The following PGM5 variants were observed in gnomAD, a reference collection of about 807,000 sequenced individuals.
PGM5 encodes phosphoglucomutase 5.
Under a neutral mutation model 59.2 loss-of-function variants are expected in PGM5, and 23 were observed. The observed-to-expected ratio is 0.39, with a 90% CI of 0.28 to 0.55. The LOEUF (loss-of-function observed/expected upper bound fraction) is 0.55. Ranked by LOEUF, PGM5 falls within the 20% of genes least tolerant of loss-of-function variation. The probability of loss-of-function intolerance (pLI) is 0.66; values close to 1 mark genes in which losing one functional copy is unlikely to be tolerated. For synonymous variants in PGM5, 214 were observed against 286.0 expected (o/e 0.75, Z 2.54); for missense variants, 574 against 748.3 (o/e 0.77, Z 2.72).
In PGM5 at chr9:68,483,891, A is replaced by G. The variant is rs2132092846; in HGVS notation, c.1322A>G (p.Lys441Arg). Residue 441 changes from lysine (K) to arginine (R), a missense_variant, in exon 9 of 11, where the codon AAG (lysine) becomes AGG (arginine). Physicochemically the swap from Lys to Arg is conservative, Grantham distance 26. Transcript: ENST00000396396. Reference protein sequence around the residue: ...CRFDYEGLDPKTTYYIMRDLE... With the variant: ...CRFDYEGLDPRTTYYIMRDLE... ...TTTGACTATGAGGGGTTGGATCCCA[A>G]GACGACATATTATATCATGAGGGAC... The G allele has an allele frequency of 6.2e-7, 1 of 1,614,170 alleles. No individual in the cohort carries two copies. The highest frequency in any genetic ancestry group is 8.5e-7 in the Non-Finnish European group (1 of 1,180,000).
At chr9:68,499,039 G>A (rs1554688395) in intron 9 of PGM5, 188 bp from the exon 10 acceptor site, 3 of 608,746 alleles carry the variant, frequency 4.9e-6, no homozygotes, top group Non-Finnish European at 8.5e-6. Flanking sequence ...AGAATAAAGA[G>A]ACAAATGGGT....
intron 10 of PGM5, among the ~76,000 whole-genome samples, chr9:68,507,767 A>G (rs1423478916): frequency 2.0e-5 from 3 of 152,064 alleles, no homozygotes; most frequent in Non-Finnish European, 2.9e-5. Context: ...TTAGATGAGT[A>G]CTTTCTGGAA....
intron 8 of PGM5, among the ~76,000 whole-genome samples, chr9:68,480,100 G>A (rs1824172309): frequency 6.6e-6 from 1 of 152,178 alleles, no homozygotes; most frequent in South Asian, 2.1e-4. Flanking sequence ...ATGCCTATAA[G>A]GTAGGTGGCC....
At chr9:68,505,850 G>T (rs143136348) in intron 10 of PGM5, among the ~76,000 whole-genome samples, 5 of 152,254 alleles carry the variant, frequency 3.3e-5, no homozygotes, top group Non-Finnish European at 7.4e-5. Context: ...CCTCCCTATA[G>T]GTCACGGGGT....
At position 68,437,624 on chromosome 9, in the gene PGM5, G is replaced by A. The variant is rs1007812006; in HGVS notation, c.1044-27469G>A. 2.6e-5 allele frequency among the ~76,000 whole-genome samples: 4 copies of A among 151,654 alleles called. No individual in the cohort carries two copies. The highest frequency in any genetic ancestry group is 4.4e-5 in the Non-Finnish European group (3 of 67,926). On this transcript the variant is annotated intron_variant, in intron 6 of 10. Coordinates refer to ENST00000396396, the MANE Select transcript of PGM5 (RefSeq NM_021965.4). This position sits in a 1 kb window ranked among gnomAD's most constrained non-coding sequence, Gnocchi z 4.1. Reference sequence around the variant, plus strand: ...ACTCTCACACATTTTACCCACACATGCATATACTGTATATACACACCCACA... The same window carrying A: ...ACTCTCACACATTTTACCCACACATACATATACTGTATATACACACCCACA...
intron 6 of PGM5, among the ~76,000 whole-genome samples, chr9:68,403,614 G>A (rs1349607633): frequency 1.3e-5 from 2 of 152,198 alleles, no homozygotes; most frequent in Non-Finnish European, 2.9e-5. Context: ...ATATGATGAT[G>A]AGATGTTAAG....
Position 68,458,122 on chromosome 9 carries a change from G to T in PGM5, c.1044-6971G>T, listed in dbSNP as rs117132700. 4.0e-3 allele frequency among the ~76,000 whole-genome samples: 603 copies of T among 152,288 alleles called. 7 individuals are homozygous for T. The highest frequency in any genetic ancestry group is 0.015 in the East Asian group (78 of 5,186). ...AGTTGTTAATTCCCCAGATGTAGGG[G>T]TCCAGATTATTTAACAGTTGAAGAG... On this transcript the variant is annotated intron_variant, in intron 6 of 10. Transcript: ENST00000396396.
At chr9:68,361,408 ACT>A (rs1473963768) in intron 1 of PGM5, among the ~76,000 whole-genome samples, 3 of 151,970 alleles carry the variant, frequency 2.0e-5, no homozygotes, top group Non-Finnish European at 4.4e-5. Context: ...TTAACTTTTC[ACT>A]CTGTTTTTTC....
chr9:68,434,797 A>C (rs1239151939), intron 6 of PGM5, among the ~76,000 whole-genome samples: 2 of 152,186 alleles, frequency 1.3e-5, no homozygotes, highest in Non-Finnish European at 2.9e-5. Flanking sequence ...CAAAAAAAAA[A>C]AAATGGTGAT....
intron 6 of PGM5, among the ~76,000 whole-genome samples, chr9:68,454,096 T>C (rs1823736747): frequency 6.6e-6 from 1 of 152,156 alleles, no homozygotes; most frequent in Non-Finnish European, 1.5e-5. Context: ...TTAGTTGGGC[T>C]TGGGCAATTG....
chr9:68,396,916 C>T (rs1477841116), intron 6 of PGM5: 1 of 152,218 alleles, frequency 6.6e-6, no homozygotes, highest in Non-Finnish European at 1.5e-5. Context: ...TGCCTAAACT[C>T]CTGGGATTCC....
intron 10 of PGM5, among the ~76,000 whole-genome samples, chr9:68,501,258 A>G (rs1824569400): frequency 6.6e-6 from 1 of 152,200 alleles, no homozygotes; most frequent in South Asian, 2.1e-4. Context: ...AAAGTTTTAC[A>G]TTAAAATAGA....
At chr9:68,470,344 C>T (rs567671912) in intron 7 of PGM5, among the ~76,000 whole-genome samples, 1 of 152,244 alleles carries the variant, frequency 6.6e-6, no homozygotes, top group East Asian at 1.9e-4. Flanking sequence ...TTTATGTTAT[C>T]ATTCTCCAGT....
At chr9:68,463,064 G>A (rs1394116095) in intron 6 of PGM5, among the ~76,000 whole-genome samples, 1 of 152,106 alleles carries the variant, frequency 6.6e-6, no homozygotes, top group African/African-American at 2.4e-5. Context: ...CCTGAAAAGT[G>A]CTTTTCAATG....
intron 6 of PGM5, chr9:68,398,298 T>G (rs1822566505): frequency 6.6e-6 from 1 of 152,062 alleles, no homozygotes; most frequent in Non-Finnish European, 1.5e-5. Context: ...GTATAGCTGA[T>G]TCTGTTAGGA....
At chr9:68,469,061 C>T (rs904191064) in intron 7 of PGM5, among the ~76,000 whole-genome samples, 11 of 152,196 alleles carry the variant, frequency 7.2e-5, no homozygotes, top group African/African-American at 2.2e-4. Flanking sequence ...GGACCACAGG[C>T]GTGTGCCATC....
chr9:68,486,783 C>T (rs1587209567), intron 9 of PGM5, among the ~76,000 whole-genome samples: 1 of 152,176 alleles, frequency 6.6e-6, no homozygotes, highest in Non-Finnish European at 1.5e-5. Flanking sequence ...CTCCTGGGTA[C>T]ATACTTAGGA....
chr9:68,398,859 G>A (rs1382886459), intron 6 of PGM5, among the ~76,000 whole-genome samples: 1 of 152,108 alleles, frequency 6.6e-6, no homozygotes, highest in Admixed American at 6.6e-5. Flanking sequence ...AGAGAGTTGA[G>A]TTAATCATAC....
At chr9:68,395,559 C>A (rs1249715784) in intron 6 of PGM5, 1 of 152,084 alleles carries the variant, frequency 6.6e-6, no homozygotes, top group Non-Finnish European at 1.5e-5. Context: ...AATCTTGAAT[C>A]TTCCATTCCA....
Sources: gnomAD v4.1 joint callset for allele counts (sites outside exome capture counted in the v4.1 genomes callset) on GRCh38, gnomAD v4.1.1 for gene constraint, Gnocchi (gnomAD v3.1) non-coding constraint, MANE v1.5 for transcripts, NCBI Gene and HGNC (gene_info 2026-07-23, HGNC 2026-07-21) for gene names.